Variants in KCNQ5 observed in about 807,000 individuals in gnomAD.
KCNQ5 encodes the protein potassium voltage-gated channel subfamily KQT member 5.
Under a neutral mutation model 98.2 loss-of-function variants are expected in KCNQ5, and 30 were observed. The ratio of observed to expected loss-of-function variants is 0.31; its 90% confidence interval spans 0.23 to 0.41. KCNQ5 has a LOEUF of 0.41. KCNQ5 is among the 10% of genes least tolerant of loss of function. The pLI is 1.00. For missense variants in KCNQ5, 835 were observed against 1,182.5 expected, an observed-to-expected ratio of 0.71 and a Z score of 4.31; for synonymous variants, 458 against 449.4, an observed-to-expected ratio of 1.02 and a Z score of -0.24.
chr6:72,959,715 A>T (rs1767245358), intron 1 of KCNQ5, among the ~76,000 whole-genome samples: 1 of 152,234 alleles, frequency 6.6e-6, no homozygotes, highest in Non-Finnish European at 1.5e-5. Flanking sequence ...GTATAAAATG[A>T]TAGTTTTTAT....
At chr6:72,676,964 G>A (rs934347232) in intron 1 of KCNQ5, 3 of 152,008 alleles carry the variant, frequency 2.0e-5, no homozygotes, top group African/African-American at 4.8e-5. Flanking sequence ...TTTTTGGTTT[G>A]ATTTGGGGTA....
intron 2 of KCNQ5, among the ~76,000 whole-genome samples, chr6:73,034,395 T>C (rs991531615): frequency 6.6e-6 from 1 of 152,220 alleles, no homozygotes; most frequent in Non-Finnish European, 1.5e-5. Flanking sequence ...TCTTCAAGAA[T>C]TGCTGCAAAT....
chr6:73,126,104 G>A (rs1192272726), intron 9 of KCNQ5, among the ~76,000 whole-genome samples: 3 of 152,142 alleles, frequency 2.0e-5, no homozygotes, highest in Non-Finnish European at 4.4e-5. Flanking sequence ...CCATTTTAAG[G>A]TAGCTTATAG....
chr6:73,037,872 T>C (rs1771510918), intron 2 of KCNQ5, among the ~76,000 whole-genome samples: 1 of 152,130 alleles, frequency 6.6e-6, no homozygotes, highest in Non-Finnish European at 1.5e-5. Flanking sequence ...TGCATTTCCA[T>C]ATAAATTTTA....
intron 2 of KCNQ5, among the ~76,000 whole-genome samples, chr6:73,023,153 G>A (rs1770684043): frequency 6.6e-6 from 1 of 152,154 alleles, no homozygotes; most frequent in African/African-American, 2.4e-5. Context: ...AAAAGATGGA[G>A]AAGAAAAACT....
chr6:72,700,645 A>G (rs1248166023), intron 1 of KCNQ5, among the ~76,000 whole-genome samples: 1 of 152,210 alleles, frequency 6.6e-6, no homozygotes, highest in Non-Finnish European at 1.5e-5. Context: ...CAGATACAAG[A>G]TTATTCCTAA....
intron 1 of KCNQ5, among the ~76,000 whole-genome samples, chr6:72,809,829 G>A (rs1001442770): frequency 3.3e-5 from 5 of 152,124 alleles, no homozygotes; most frequent in Admixed American, 1.3e-4. Flanking sequence ...ATGTGCCCTC[G>A]ATGTGGTCTG....
chr6:73,188,720 C>A (rs2150522244), intron 11 of KCNQ5, among the ~76,000 whole-genome samples: 1 of 152,260 alleles, frequency 6.6e-6, no homozygotes, highest in South Asian at 2.1e-4. Flanking sequence ...CGCGGTGGCT[C>A]ACGCCTGTAA....
chr6:72,696,769 C>T (rs1476709695), intron 1 of KCNQ5, among the ~76,000 whole-genome samples: 4 of 152,096 alleles, frequency 2.6e-5, no homozygotes, highest in Non-Finnish European at 4.4e-5. Flanking sequence ...TGCATAGGAA[C>T]ACTCCCAGTA....
chr6:72,672,665 C>A (rs1767189397), intron 1 of KCNQ5, among the ~76,000 whole-genome samples: 1 of 152,106 alleles, frequency 6.6e-6, no homozygotes, highest in South Asian at 2.1e-4. Flanking sequence ...GAAGCTTTAT[C>A]CCCTGCCGTA....
intron 1 of KCNQ5, among the ~76,000 whole-genome samples, chr6:72,845,461 G>A (rs1776981118): frequency 6.6e-6 from 1 of 152,152 alleles, no homozygotes; most frequent in Admixed American, 6.5e-5. Flanking sequence ...AATGGTAGCA[G>A]AGTTTTATGC....
intron 10 of KCNQ5, chr6:73,158,136 T>G: frequency 2.6e-6 from 1 of 390,856 alleles, no homozygotes; most frequent in African/African-American, 2.1e-5. Context: ...TACAGGTTGC[T>G]CCTGGTGCGG....
chr6:72,890,549 T>A (rs1173676527), intron 1 of KCNQ5, among the ~76,000 whole-genome samples: 5 of 152,174 alleles, frequency 3.3e-5, no homozygotes, highest in African/African-American at 9.6e-5. Flanking sequence ...TGGCTGCTGC[T>A]ATGGGAGGTT....
chr6:72,775,002 C>G (rs1773091437), intron 1 of KCNQ5, among the ~76,000 whole-genome samples: 1 of 152,128 alleles, frequency 6.6e-6, no homozygotes, highest in Non-Finnish European at 1.5e-5. Flanking sequence ...CATGAAAAGA[C>G]ATATACCTGA....
intron 1 of KCNQ5, among the ~76,000 whole-genome samples, chr6:72,751,582 T>C (rs1771687918): frequency 6.6e-6 from 1 of 152,110 alleles, no homozygotes; most frequent in Admixed American, 6.6e-5. Flanking sequence ...AGCAGTCAAA[T>C]ATCATCACTT....
intron 1 of KCNQ5, among the ~76,000 whole-genome samples, chr6:72,659,351 C>A (rs973418887): frequency 6.6e-6 from 1 of 152,186 alleles, no homozygotes; most frequent in African/African-American, 2.4e-5. Flanking sequence ...CCACACCCAA[C>A]TCCATTTTTC....
At chr6:73,138,466 C>T (rs1031318373) in intron 10 of KCNQ5, among the ~76,000 whole-genome samples, 32 of 152,300 alleles carry the variant, frequency 2.1e-4, no homozygotes, top group African/African-American at 7.5e-4. Flanking sequence ...AGGAGAAGGA[C>T]GTAGCTTTAG....
In KCNQ5 at chr6:72,808,192, G is replaced by A. The variant is rs1008860268; in HGVS notation, c.398+185605G>A. 2.6e-5 allele frequency among the ~76,000 whole-genome samples: 4 copies of A among 152,136 alleles called. No individual in the cohort carries two copies. The South Asian group carries it at 8.3e-4, about 32-fold the overall frequency. ...TGGAGAGAAGCGGACTGATTTGAGTGATACTTAGGAATATCTAAGAAAGAA... is the reference window on the plus strand; with the variant it reads ...TGGAGAGAAGCGGACTGATTTGAGTAATACTTAGGAATATCTAAGAAAGAA... On this transcript the variant is annotated intron_variant, in intron 1 of 13. Transcript: ENST00000370398.
intron 11 of KCNQ5, among the ~76,000 whole-genome samples, chr6:73,190,074 T>C (rs200286458): frequency 1.1e-5 from 1 of 94,004 alleles, no homozygotes; most frequent in Non-Finnish European, 1.8e-5. Flanking sequence ...GCAGGAATAA[T>C]TTATGGGAAA....
Sources: gnomAD v4.1 joint callset for allele counts (sites outside exome capture counted in the v4.1 genomes callset) on GRCh38, gnomAD v4.1.1 for gene constraint, MANE v1.5 for transcripts, NCBI Gene and HGNC (gene_info 2026-07-23, HGNC 2026-07-21) for gene names.